The following NRG3 variants were observed in gnomAD, a reference collection of about 807,000 sequenced individuals.
NRG3 encodes neuregulin 3.
NRG3 carries 31 observed loss-of-function variants against 66.9 expected under a neutral mutation model. The observed-to-expected ratio is 0.46, with a 90% CI of 0.35 to 0.63. NRG3 has a LOEUF of 0.63. Among genes scored for constraint, NRG3 ranks in the 20% least tolerant of loss-of-function variants. NRG3 has a pLI of 0.00. For synonymous variants in NRG3, 393 were observed against 359.4 expected, an observed-to-expected ratio of 1.09 and a Z score of -1.06; for missense variants, 910 against 878.9, an observed-to-expected ratio of 1.04 and a Z score of -0.45.
chr10:82,507,808 A>G (rs968437530), intron 2 of NRG3, among the ~76,000 whole-genome samples: 1 of 152,198 alleles, frequency 6.6e-6, no homozygotes, highest in Non-Finnish European at 1.5e-5. Flanking sequence ...TACATAGAGA[A>G]GTAGTGACTG....
intron 3 of NRG3, among the ~76,000 whole-genome samples, chr10:82,854,885 T>C (rs552541034): frequency 6.6e-6 from 1 of 152,272 alleles, no homozygotes; most frequent in South Asian, 2.1e-4. Flanking sequence ...GTAAAGAGAT[T>C]TTCTACCATA....
chr10:82,362,548 G>GT (rs10694679), intron 2 of NRG3, among the ~76,000 whole-genome samples: 41,726 of 84,264 alleles, frequency 0.5, 11,803 homozygotes, highest in Non-Finnish European at 0.62. Context: ...TAATTTCTGG[G>GT]TTTTTTTTTT....
intron 2 of NRG3, among the ~76,000 whole-genome samples, chr10:82,432,917 T>C (rs1164830766): frequency 6.6e-6 from 1 of 152,246 alleles, no homozygotes; most frequent in Non-Finnish European, 1.5e-5. Context: ...AGTGCAACAA[T>C]AAACATATGT....
chr10:81,982,037 A>G (rs1051103056), intron 1 of NRG3, among the ~76,000 whole-genome samples: 4 of 152,122 alleles, frequency 2.6e-5, no homozygotes, highest in Admixed American at 2.6e-4. Flanking sequence ...ATAAGCTGAT[A>G]ATTATTCAAA....
At chr10:82,209,884 G>A (rs1016953118) in intron 1 of NRG3, among the ~76,000 whole-genome samples, 6 of 152,074 alleles carry the variant, frequency 3.9e-5, no homozygotes, top group African/African-American at 1.4e-4. Flanking sequence ...ATCTTGGGTC[G>A]TGTGAAGCAT....
chr10:82,535,584 G>A lies in NRG3; in HGVS notation c.953+176716G>A, dbSNP rs7913588. Reference sequence around the variant, plus strand: ...CCGCTAGAGAAAAACTGCCTTTGTCGGGAAAGAAATGATAAAGGGCTGGAA... The same window carrying A: ...CCGCTAGAGAAAAACTGCCTTTGTCAGGAAAGAAATGATAAAGGGCTGGAA... On this transcript the variant is annotated intron_variant, in intron 2 of 8. Coordinates refer to ENST00000372141, the MANE Select transcript of NRG3 (RefSeq NM_001010848.4). Among the ~76,000 whole-genome samples the A allele has an allele frequency of 6.9e-3, 1,049 of 152,140 alleles. 7 individuals are homozygous for A. Among genetic ancestry groups the A allele is most frequent in the African/African-American group, 0.024 (992 of 41,502 alleles).
chr10:81,963,034 G>A lies in NRG3; in HGVS notation c.823+86871G>A, dbSNP rs144795430. Among the ~76,000 whole-genome samples the A allele has an allele frequency of 6.6e-4, 100 of 151,792 alleles. 1 individual carries two copies. The East Asian group carries it at 8.9e-3, about 14-fold the overall frequency. On this transcript the variant is annotated intron_variant, in intron 1 of 8. Coordinates refer to ENST00000372141, the MANE Select transcript of NRG3 (RefSeq NM_001010848.4). ...AGAGAAGAAATAGATTCTGTCTCTC[G>A]TTGGGTGAGTGACAAGTCACAATGC...
At chr10:82,683,481 G>C (rs1164041466) in intron 2 of NRG3, among the ~76,000 whole-genome samples, 1 of 152,090 alleles carries the variant, frequency 6.6e-6, no homozygotes, top group Admixed American at 6.6e-5. Flanking sequence ...CAATAAAAAT[G>C]CTGTTACCAT....
chr10:82,039,946 C>T (rs552818901), intron 1 of NRG3, among the ~76,000 whole-genome samples: 22 of 152,088 alleles, frequency 1.4e-4, no homozygotes, highest in African/African-American at 4.8e-4. Flanking sequence ...GTCAAGTAAC[C>T]CAGACACAAA....
intron 2 of NRG3, among the ~76,000 whole-genome samples, chr10:82,507,849 C>T (rs1365079156): frequency 6.6e-6 from 1 of 152,168 alleles, no homozygotes; most frequent in East Asian, 1.9e-4. Flanking sequence ...TATTATTTGT[C>T]TGTTTCTCTG....
At chr10:82,844,239 G>A (rs2063201609) in intron 3 of NRG3, among the ~76,000 whole-genome samples, 1 of 152,140 alleles carries the variant, frequency 6.6e-6, no homozygotes, top group African/African-American at 2.4e-5. Context: ...TTCCTTAAGT[G>A]TCTCTTTCTA....
intron 1 of NRG3, among the ~76,000 whole-genome samples, chr10:82,036,653 A>G (rs917826301): frequency 2.6e-5 from 4 of 152,164 alleles, no homozygotes; most frequent in Admixed American, 6.6e-5. Context: ...TTATAAGTGT[A>G]TAGTACAGCA....
intron 1 of NRG3, among the ~76,000 whole-genome samples, chr10:82,150,146 G>C (rs7898982): frequency 0.12 from 17,943 of 152,020 alleles, 1,773 homozygotes; most frequent in African/African-American, 0.26. Context: ...CCACCTCCAG[G>C]AGCCTCCGGG....
chr10:81,881,564 T>A (rs896764220), intron 1 of NRG3, among the ~76,000 whole-genome samples: 1 of 152,216 alleles, frequency 6.6e-6, no homozygotes, highest in Non-Finnish European at 1.5e-5. Flanking sequence ...ATTCATATAA[T>A]TATATTTTCA....
At chr10:82,348,200 T>G (rs913111372) in intron 1 of NRG3, among the ~76,000 whole-genome samples, 7 of 152,248 alleles carry the variant, frequency 4.6e-5, no homozygotes, top group Non-Finnish European at 7.3e-5. Flanking sequence ...TTGCAGCAGC[T>G]GGTACCTGTT....
chr10:82,977,970 T>G (rs1302784839), intron 7 of NRG3, among the ~76,000 whole-genome samples: 4 of 152,192 alleles, frequency 2.6e-5, no homozygotes, highest in Admixed American at 2.6e-4. Flanking sequence ...TCATCTTTCT[T>G]TCTATGGTTG....
chr10:82,316,739 TC>T (rs1458320551), intron 1 of NRG3, among the ~76,000 whole-genome samples: 5 of 152,230 alleles, frequency 3.3e-5, no homozygotes, highest in African/African-American at 9.6e-5. Context: ...CTTCCCAAGT[TC>T]CCTTATGTCC....
At chr10:82,542,387 G>T (rs766236426) in intron 2 of NRG3, among the ~76,000 whole-genome samples, 3 of 152,100 alleles carry the variant, frequency 2.0e-5, no homozygotes, top group Non-Finnish European at 4.4e-5. Context: ...AATTTATCAG[G>T]CATCCCACTA....
intron 2 of NRG3, among the ~76,000 whole-genome samples, chr10:82,654,814 C>T (rs534191399): frequency 7.2e-5 from 11 of 152,052 alleles, no homozygotes; most frequent in South Asian, 2.1e-4. Context: ...AATTCTTCTC[C>T]GTGGAAAGAA....
Sources: gnomAD v4.1 joint callset for allele counts (sites outside exome capture counted in the v4.1 genomes callset) on GRCh38, gnomAD v4.1.1 for gene constraint, MANE v1.5 for transcripts, NCBI Gene and HGNC (gene_info 2026-07-23, HGNC 2026-07-21) for gene names.